Variants in KLF8 observed in about 807,000 individuals in gnomAD.
KLF8 encodes the protein KLF transcription factor 8, also known as Krueppel-like factor 8.
KLF8 carries 10 observed loss-of-function variants against 18.2 expected under a neutral mutation model. The observed-to-expected ratio is 0.55, with a 90% CI of 0.34 to 0.93. The LOEUF (loss-of-function observed/expected upper bound fraction) is 0.93. Ranked by LOEUF, KLF8 falls within the 40% of genes least tolerant of loss-of-function variation. KLF8 has a pLI of 0.02. For missense variants in KLF8, 264 were observed against 277.9 expected (o/e 0.95, Z 0.36); for synonymous variants, 109 against 97.3 (o/e 1.12, Z -0.71).
At chrX:56,267,323 G>A in intron 3 of KLF8, 1 of 414,121 alleles carries the variant, frequency 2.4e-6, no homozygotes, top group Non-Finnish European at 3.1e-6. Context: ...TAGCTGGGGA[G>A]GCCTCAGAAT....
the KLF8 span, among the ~76,000 whole-genome samples, chrX:56,107,414 G>A: frequency 9.0e-6 from 1 of 111,573 alleles, no homozygotes; most frequent in South Asian, 3.8e-4. Context: ...ACCTGCTCAA[G>A]CCTCAGCAAT....
At chrX:56,054,127 TTATG>T in the KLF8 span, among the ~76,000 whole-genome samples, 1 of 107,559 alleles carries the variant, frequency 9.3e-6, no homozygotes. Flanking sequence ...ATTTATTTAT[TTATG>T]TATTTATTTA....
At chrX:56,161,897 G>A in the KLF8 span, among the ~76,000 whole-genome samples, 1 of 111,346 alleles carries the variant, frequency 9.0e-6, no homozygotes, top group South Asian at 3.8e-4. Flanking sequence ...CCATCTTTGT[G>A]GTTTTATCTA....
At chrX:56,238,408 G>T (rs768922046) in intron 1 of KLF8, among the ~76,000 whole-genome samples, 1 of 111,214 alleles carries the variant, frequency 9.0e-6, no homozygotes, top group Non-Finnish European at 1.9e-5. Context: ...CTGGGAGGCG[G>T]AGGTTGCAGT....
chrX:56,266,633 C>G, intron 3 of KLF8: 1 of 751,801 alleles, frequency 1.3e-6, no homozygotes, highest in Non-Finnish European at 1.6e-6. Flanking sequence ...ACCACTATCC[C>G]CCAACCACTA....
chrX:56,159,624 A>G, the KLF8 span, among the ~76,000 whole-genome samples: 15 of 112,288 alleles, frequency 1.3e-4, no homozygotes, highest in African/African-American at 4.8e-4. Flanking sequence ...GGGAGGGTGT[A>G]TGTGTTGAGG....
chrX:56,182,849 A>T, the KLF8 span, among the ~76,000 whole-genome samples: 6 of 112,189 alleles, frequency 5.3e-5, no homozygotes, highest in Admixed American at 1.9e-4. Context: ...TCAGAGTGGC[A>T]CCTGGCTGTA....
chrX:55,953,651 G>A, the KLF8 span, among the ~76,000 whole-genome samples: 1 of 110,786 alleles, frequency 9.0e-6, no homozygotes, highest in African/African-American at 3.3e-5. Flanking sequence ...ATAGAATTGA[G>A]CCCAGAAATA....
chrX:56,158,631 T>G, the KLF8 span, among the ~76,000 whole-genome samples: 2 of 112,045 alleles, frequency 1.8e-5, no homozygotes, highest in Non-Finnish European at 3.8e-5. Context: ...GATTCCTAGA[T>G]ATTTAATTCT....
the KLF8 span, among the ~76,000 whole-genome samples, chrX:56,046,005 C>T: frequency 1.8e-5 from 2 of 111,636 alleles, no homozygotes; most frequent in South Asian, 3.7e-4. Context: ...CTTTTATTAC[C>T]TTAAGTTATG....
chrX:56,075,782 G>A, the KLF8 span, among the ~76,000 whole-genome samples: 1 of 111,325 alleles, frequency 9.0e-6, no homozygotes, highest in Non-Finnish European at 1.9e-5. Context: ...TTCTTTCTGT[G>A]CCTGGCTTAT....
chrX:56,171,569 G>C, the KLF8 span, among the ~76,000 whole-genome samples: 1 of 110,574 alleles, frequency 9.0e-6, no homozygotes, highest in Admixed American at 9.7e-5. Context: ...TCCCCACCCT[G>C]TGTCCAAGTG....
chrX:56,186,842 C>A, the KLF8 span, among the ~76,000 whole-genome samples: 3 of 111,947 alleles, frequency 2.7e-5, no homozygotes, highest in South Asian at 1.1e-3. Flanking sequence ...AACAAAGACA[C>A]AACATACCAG....
the KLF8 span, among the ~76,000 whole-genome samples, chrX:56,175,139 C>G: frequency 2.7e-4 from 30 of 111,165 alleles, 1 homozygote; most frequent in Admixed American, 1.1e-3. Flanking sequence ...CTTCTGCTAG[C>G]TTTTGAATGT....
At chrX:56,238,039 C>T (rs762413562) in intron 1 of KLF8, among the ~76,000 whole-genome samples, 1 of 112,064 alleles carries the variant, frequency 8.9e-6, no homozygotes, top group African/African-American at 3.2e-5. Flanking sequence ...AATATAGTCA[C>T]TAGGTTAGGT....
chrX:56,122,837 C>T, the KLF8 span, among the ~76,000 whole-genome samples: 1 of 111,083 alleles, frequency 9.0e-6, no homozygotes. Flanking sequence ...GATCCTCCTG[C>T]CGAGGCCTCC....
At chrX:56,160,014 A>C in the KLF8 span, among the ~76,000 whole-genome samples, 1 of 111,452 alleles carries the variant, frequency 9.0e-6, no homozygotes, top group East Asian at 2.8e-4. Context: ...CTGCTTTCTA[A>C]TGTGGGCATT....
At chrX:55,971,422 T>G in the KLF8 span, among the ~76,000 whole-genome samples, 1 of 111,061 alleles carries the variant, frequency 9.0e-6, no homozygotes, top group Admixed American at 9.6e-5. Context: ...CAAAATTGAT[T>G]AACGACTTAA....
chrX:55,933,339 T>G, the KLF8 span, among the ~76,000 whole-genome samples: 1 of 112,082 alleles, frequency 8.9e-6, no homozygotes, highest in Non-Finnish European at 1.9e-5. Flanking sequence ...ACAAACAATT[T>G]CTGCTTTAAG....
Sources: allele counts gnomAD v4.1 joint callset (sites outside exome capture counted in the v4.1 genomes callset), GRCh38; gene constraint gnomAD v4.1.1; transcripts MANE v1.5; gene names NCBI Gene and HGNC (gene_info 2026-07-23, HGNC 2026-07-21).